TLR4: variants seen among roughly 807,000 people sequenced by gnomAD.
TLR4 encodes the protein toll-like receptor 4.
Under a neutral mutation model 27.4 loss-of-function variants are expected in TLR4, and 17 were observed. The ratio of observed to expected loss-of-function variants is 0.62; its 90% CI spans 0.42 to 0.93. The LOEUF is 0.93. Ranked by LOEUF, TLR4 falls within the 40% of genes least tolerant of loss-of-function variation. TLR4 has a pLI of 0.00. For missense variants in TLR4, 926 were observed against 962.3 expected (o/e 0.96, Z 0.50); for synonymous variants, 363 against 365.7 (o/e 0.99, Z 0.08).
At chr9:117,708,315 G>A (rs745427854) in intron 1 of TLR4, 88 of 1,279,950 alleles carry the variant, frequency 6.9e-5, no homozygotes, top group South Asian at 5.2e-5. Flanking sequence ...GTTTTATCAC[G>A]GAGGTTAGAA....
rs1229567747 is a variant in TLR4 at position 117,720,008 on chromosome 9, C to T, written c.*5360C>T. ...TAGGTCACACAGCTTATATTAATCA[C>T]AATAACATTTGCCGCACCTTCTGTA... On this transcript the variant is annotated 3_prime_UTR_variant, in exon 3 of 3. Transcript: ENST00000355622. 9 of 152,158 alleles carry T rather than the reference C, an allele frequency of 5.9e-5. No individual in the cohort carries two copies. The highest frequency in any genetic ancestry group is 2.1e-4 in the South Asian group (1 of 4,818). 9.4% of individuals were successfully genotyped at this position (152,158 alleles called of 1,614,324 possible). A position where few individuals can be genotyped will look rare whatever the true frequency, so the allele number is the denominator to read the frequency against.
Position 117,724,430 on chromosome 9 carries a change from C to T in TLR4, c.*9782C>T, listed in dbSNP as rs143253905. ...TTAGTAAGTCTTGTCTTTCTCTCTGCTTTGACCTGTCAGTATTCCAACTTC... is the reference window on the plus strand; with the variant it reads ...TTAGTAAGTCTTGTCTTTCTCTCTGTTTTGACCTGTCAGTATTCCAACTTC... On this transcript the variant is annotated 3_prime_UTR_variant, in exon 3 of 3. Coordinates refer to ENST00000355622, the MANE Select transcript of TLR4 (RefSeq NM_138554.5). 6.6e-6 allele frequency: 1 copy of T among 152,360 alleles called. No individual in the cohort carries two copies. The highest frequency in any genetic ancestry group is 2.4e-5 in the African/African-American group (1 of 41,584). 9.4% of individuals were successfully genotyped at this position (152,360 alleles called of 1,614,324 possible). A position where few individuals can be genotyped will look rare whatever the true frequency, so the allele number is the denominator to read the frequency against.
At position 117,721,071 on chromosome 9, in the gene TLR4, A is replaced by G. The variant is rs1159201076; in HGVS notation, c.*6423A>G. 1 of 152,232 alleles carries G rather than the reference A, an allele frequency of 6.6e-6. No homozygotes were observed. The highest frequency in any genetic ancestry group is 2.4e-5 in the African/African-American group (1 of 41,470). 9.4% of individuals were successfully genotyped at this position (152,232 alleles called of 1,614,324 possible). The stretch of plus-strand genomic sequence containing the variant: ...AAGATGGGTAACAAAGACTCTCTTC[A>G]AGGTTAGAAAATTTTATTTTAATTT... On this transcript the variant is annotated 3_prime_UTR_variant, in exon 3 of 3. Transcript: ENST00000355622.
chr9:117,713,883 T>C lies in TLR4; in HGVS notation c.1755T>C (p.Cys585=). 2 of 1,614,036 alleles carry C rather than the reference T, an allele frequency of 1.2e-6. No homozygotes were observed. The highest frequency in any genetic ancestry group is 2.2e-5 in the South Asian group (2 of 91,078). The part of the protein sequence containing the change: ...NLTQNDFACT[C]EHQSFLQWIK... Reference sequence around the variant, plus strand: ...CTCAGAATGACTTTGCTTGTACTTGTGAACACCAGAGTTTCCTGCAATGGA... The same window carrying C: ...CTCAGAATGACTTTGCTTGTACTTGCGAACACCAGAGTTTCCTGCAATGGA... The change falls in exon 3 of 3, where the codon TGT becomes TGC. Residue 585 remains cysteine, a synonymous_variant. Transcript: ENST00000355622.
chr9:117,713,030 T>C lies in TLR4; in HGVS notation c.902T>C (p.Ile301Thr), dbSNP rs201050092. 5.3e-5 allele frequency: 86 copies of C among 1,613,978 alleles called. No homozygotes were observed. The African/African-American group carries it at 9.7e-4, about 18-fold the overall frequency. Residue 301 changes from isoleucine to threonine, a missense_variant, in exon 3 of 3, where the codon ATT becomes ACT. By Grantham distance (89) the Ile-to-Thr change is moderately conservative. Transcript: ENST00000355622. ...TTAGACTACTACCTCGATGATATTA[T>C]TGACTTATTTAATTGTTTGACAAAT... ...AYLDYYLDDI[I>T]DLFNCLTNVS... is the part of the protein sequence containing the mutation.
Position 117,713,178 on chromosome 9 carries a change from C to CA in TLR4, c.1053dup (p.Ser352IlefsTer20), listed in dbSNP as rs773631174. The CA allele has an allele frequency of 7.4e-6, 12 of 1,613,848 alleles. No individual in the cohort carries two copies. The East Asian group carries it at 1.6e-4, about 21-fold the overall frequency. ...TTGGACAGTTTCCCACATTGAAACT[C>CA]AAATCTCTCAAAAGGCTTACTTTCA... is the stretch of plus-strand genomic sequence containing the variant. On this transcript the variant is annotated frameshift_variant, in exon 3 of 3. Transcript: ENST00000355622. LOFTEE classifies it low-confidence loss of function (END_TRUNC).
chr9:117,706,680 T>A (rs1230284182), intron 1 of TLR4, among the ~76,000 whole-genome samples: 2 of 152,160 alleles, frequency 1.3e-5, no homozygotes, highest in Admixed American at 1.3e-4. Flanking sequence ...TTTCCACATA[T>A]CTAAACCTTA....
At chr9:117,708,345 G>A in intron 1 of TLR4, 2 of 1,367,594 alleles carry the variant, frequency 1.5e-6, no homozygotes, top group Non-Finnish European at 9.5e-7. Context: ...CGTAGTAGGT[G>A]CTCTTTACTT....
intron 2 of TLR4, 62 bp from the exon 3 acceptor site, chr9:117,712,327 T>C: frequency 9.4e-6 from 14 of 1,493,168 alleles, no homozygotes; most frequent in Admixed American, 1.8e-5. Context: ...AGGATTAATA[T>C]TCTATTTTAG....
In TLR4 at chr9:117,708,664, C is replaced by A. The variant is rs927300950; in HGVS notation, c.195C>A (p.Pro65=). The A allele has an allele frequency of 1.2e-6, 2 of 1,613,832 alleles. No homozygotes were observed. Among genetic ancestry groups the A allele is most frequent in the African/African-American group, 2.7e-5 (2 of 74,896 alleles). ...AGAACCTGGACCTGAGCTTTAATCCCCTGAGGCATTTAGGCAGCTATAGCT... is the reference window on the plus strand; with the variant it reads ...AGAACCTGGACCTGAGCTTTAATCCACTGAGGCATTTAGGCAGCTATAGCT... The part of the protein sequence containing the change: ...STKNLDLSFN[P]LRHLGSYSFF... Residue 65 remains proline, a synonymous_variant, in exon 2 of 3, where the codon CCC becomes CCA. Transcript: ENST00000355622.
At position 117,719,332 on chromosome 9, in the gene TLR4, G is replaced by A. The variant is rs780382020; in HGVS notation, c.*4684G>A. 24 of 152,218 alleles carry A rather than the reference G, an allele frequency of 1.6e-4. No homozygotes were observed. The highest frequency in any genetic ancestry group is 3.4e-4 in the Non-Finnish European group (23 of 68,018). 9.4% of individuals were successfully genotyped at this position (152,218 alleles called of 1,614,324 possible). A position where few individuals can be genotyped will look rare whatever the true frequency, so the allele number is the denominator to read the frequency against. ...CTGAGTCTGGGAGTCATTCTGTCAT[G>A]TGTCCACTGTCACCTGCTCATTGGT... On this transcript the variant is annotated 3_prime_UTR_variant, in exon 3 of 3. Transcript: ENST00000355622.
chr9:117,707,112 C>G (rs1277415252), intron 1 of TLR4, among the ~76,000 whole-genome samples: 1 of 152,134 alleles, frequency 6.6e-6, no homozygotes, highest in Non-Finnish European at 1.5e-5. Context: ...TGAGAACAAT[C>G]AGATAGACAA....
At chr9:117,707,287 CG>C in intron 1 of TLR4, among the ~76,000 whole-genome samples, 1 of 152,220 alleles carries the variant, frequency 6.6e-6, no homozygotes, top group Middle Eastern at 3.4e-3. Context: ...TCTGACTTTG[CG>C]CATATTACTT....
At position 117,713,984 on chromosome 9, in the gene TLR4, C is replaced by T. The variant is rs759664067; in HGVS notation, c.1856C>T (p.Pro619Leu). 3 of 1,613,984 alleles carry T rather than the reference C, an allele frequency of 1.9e-6. No homozygotes were observed. The highest frequency in any genetic ancestry group is 1.7e-5 in the Admixed American group (1 of 59,982). ...CATPSDKQGM[P>L]VLSLNITCQM... Reference sequence around the variant, plus strand: ...ACACCTTCAGATAAGCAGGGCATGCCTGTGCTGAGTTTGAATATCACCTGT... The same window carrying T: ...ACACCTTCAGATAAGCAGGGCATGCTTGTGCTGAGTTTGAATATCACCTGT... The change falls in exon 3 of 3, where the codon CCT becomes CTT. Residue 619 changes from proline to leucine, a missense_variant. Coordinates refer to ENST00000355622, the MANE Select transcript of TLR4 (RefSeq NM_138554.5).
chr9:117,705,535 C>T (rs902034000), intron 1 of TLR4, among the ~76,000 whole-genome samples: 6 of 152,150 alleles, frequency 3.9e-5, no homozygotes, highest in African/African-American at 1.4e-4. Flanking sequence ...TAATTAGGCT[C>T]ACTGCGAGAT....
rs943505833 is a variant in TLR4, at chr9:117,720,063, A to G, written c.*5415A>G. 1 of 152,128 alleles carries G rather than the reference A, an allele frequency of 6.6e-6. No homozygotes were observed. The highest frequency in any genetic ancestry group is 6.5e-5 in the Admixed American group (1 of 15,276). The allele number at this position is 152,128 out of a possible 1,614,324, so 9.4% of individuals were successfully genotyped here. On this transcript the variant is annotated 3_prime_UTR_variant, in exon 3 of 3. Transcript: ENST00000355622. Reference sequence around the variant, plus strand: ...TTTTAAGTTGCTAAGCTTTTGGTGCATGTCTGGCACCGTTTTAGTTGTATA... The same window carrying G: ...TTTTAAGTTGCTAAGCTTTTGGTGCGTGTCTGGCACCGTTTTAGTTGTATA...
At chr9:117,707,565 T>G (rs1361300409) in intron 1 of TLR4, among the ~76,000 whole-genome samples, 3 of 152,222 alleles carry the variant, frequency 2.0e-5, no homozygotes, top group Non-Finnish European at 4.4e-5. Context: ...AGGAATTTTG[T>G]TGGAGGAAAT....
intron 1 of TLR4, among the ~76,000 whole-genome samples, chr9:117,705,445 C>T (rs1417080001): frequency 6.6e-6 from 1 of 152,176 alleles, no homozygotes; most frequent in Admixed American, 6.5e-5. Context: ...CATCCCTTCC[C>T]TCAATTCCCT....
chr9:117,718,280 AGTGAAACTCCT>A lies in TLR4; in HGVS notation c.*3634_*3644del, dbSNP rs1829382606. On this transcript the variant is annotated 3_prime_UTR_variant, in exon 3 of 3. Transcript: ENST00000355622. Reference sequence around the variant, plus strand: ...CATGCTTAAAGTTGGCAAAACAGGAAGTGAAACTCCTGCAGTTTTCTGTGTGGTTGACACTA... The same window carrying A: ...CATGCTTAAAGTTGGCAAAACAGGAAGCAGTTTTCTGTGTGGTTGACACTA... 6.6e-6 allele frequency: 1 copy of A among 152,162 alleles called. No homozygotes were observed. Among genetic ancestry groups the A allele is most frequent in the East Asian group, 1.9e-4 (1 of 5,178 alleles). 9.4% of individuals were successfully genotyped at this position (152,162 alleles called of 1,614,324 possible). A position where few individuals can be genotyped will look rare whatever the true frequency, so the allele number is the denominator to read the frequency against.
Sources: allele counts gnomAD v4.1 joint callset (sites outside exome capture counted in the v4.1 genomes callset), GRCh38; gene constraint gnomAD v4.1.1; transcripts MANE v1.5; gene names NCBI Gene and HGNC (gene_info 2026-07-23, HGNC 2026-07-21).